MYO3A: variants seen among roughly 807,000 people sequenced by gnomAD.
MYO3A encodes myosin-IIIa.
In MYO3A, 180 loss-of-function variants were observed where a neutral mutation model predicts 192.7. The ratio of observed to expected loss-of-function variants is 0.93; its 90% CI spans 0.83 to 1.06. The LOEUF is 1.06. MYO3A is among the 50% of genes least tolerant of loss of function. MYO3A has a pLI of 0.00. For synonymous variants in MYO3A, 628 were observed against 645.3 expected (o/e 0.97, Z 0.41); for missense variants, 1,896 against 1,905.0 (o/e 1.00, Z 0.09).
At chr10:26,100,230 T>C (rs770646054) in intron 17 of MYO3A, among the ~76,000 whole-genome samples, 6 of 152,226 alleles carry the variant, frequency 3.9e-5, no homozygotes, top group Non-Finnish European at 7.3e-5. Flanking sequence ...GTAGTTTGTA[T>C]TTCTGTGGGA....
At position 26,193,256 on chromosome 10, in the gene MYO3A, G is replaced by A. The variant is rs375133744; in HGVS notation, c.4490G>A (p.Arg1497Gln). ...PKILRPPRRPRKPKTLNNPED... is the reference protein window; with the variant it reads ...PKILRPPRRPQKPKTLNNPED... ...ATATTGAGACCCCCAAGACGACCCC[G>A]GAAACCCAAAACATTAAATAACCCT... Residue 1497 changes from arginine (R) to glutamine (Q), a missense_variant, in exon 32 of 35, where the codon CGG becomes CAG. Transcript: ENST00000642920. The A allele has an allele frequency of 3.2e-5, 51 of 1,613,760 alleles. No homozygotes were observed. Among genetic ancestry groups the A allele is most frequent in the South Asian group, 1.1e-4 (10 of 91,026 alleles).
intron 3 of MYO3A, among the ~76,000 whole-genome samples, chr10:25,952,658 T>A (rs1007430220): frequency 6.6e-6 from 1 of 152,144 alleles, no homozygotes. Flanking sequence ...TATTTAGGCT[T>A]CAGGAGGTAT....
At chr10:26,163,185 A>ATGTG (rs1841565741) in intron 26 of MYO3A, among the ~76,000 whole-genome samples, 1 of 152,216 alleles carries the variant, frequency 6.6e-6, no homozygotes, top group African/African-American at 2.4e-5. Context: ...AAACAATTTA[A>ATGTG]AGCCAATGCT....
intron 29 of MYO3A, among the ~76,000 whole-genome samples, chr10:26,172,944 AAGT>A (rs1171511945): frequency 1.3e-5 from 2 of 152,168 alleles, no homozygotes; most frequent in African/African-American, 4.8e-5. Flanking sequence ...AAAGCCCTCC[AAGT>A]AGCAACGAGA....
At chr10:26,163,870 C>G (rs548226484) in intron 26 of MYO3A, among the ~76,000 whole-genome samples, 33 of 152,202 alleles carry the variant, frequency 2.2e-4, no homozygotes, top group Non-Finnish European at 3.5e-4. Context: ...AGAACACTAG[C>G]GTTTAAGCAA....
chr10:26,032,417 C>T (rs1340613983), intron 10 of MYO3A, among the ~76,000 whole-genome samples: 3 of 152,152 alleles, frequency 2.0e-5, no homozygotes, highest in Non-Finnish European at 4.4e-5. Flanking sequence ...GAATTCGAGA[C>T]CAGCCTGGCC....
intron 34 of MYO3A, among the ~76,000 whole-genome samples, chr10:26,207,339 T>C (rs1012195152): frequency 6.6e-6 from 1 of 152,178 alleles, no homozygotes; most frequent in Non-Finnish European, 1.5e-5. Flanking sequence ...TTCTTTTCTC[T>C]TTTTAGGCAG....
rs1195927705 is a variant in MYO3A, at chr10:26,170,544, A to G, written c.3398+5A>G. On this transcript the variant is annotated splice_donor_5th_base_variant and intron_variant, in intron 29 of 34. Coordinates refer to ENST00000642920, the MANE Select transcript of MYO3A (RefSeq NM_017433.5). Reference sequence around the variant, plus strand: ...GAAAAACTTTGAAAATACAAGGTATAATGATGTTCATTCTTATACCGTTGT... The same window carrying G: ...GAAAAACTTTGAAAATACAAGGTATGATGATGTTCATTCTTATACCGTTGT... 6.2e-7 allele frequency: 1 copy of G among 1,607,922 alleles called. No individual in the cohort carries two copies. Among genetic ancestry groups the G allele is most frequent in the African/African-American group, 1.3e-5 (1 of 74,816 alleles).
intron 17 of MYO3A, among the ~76,000 whole-genome samples, chr10:26,113,360 C>T (rs987068117): frequency 6.6e-6 from 1 of 151,864 alleles, no homozygotes; most frequent in Non-Finnish European, 1.5e-5. Flanking sequence ...ATCCCAGCTA[C>T]TCAGGAGGCT....
At chr10:26,140,471 G>A (rs890757833) in intron 20 of MYO3A, among the ~76,000 whole-genome samples, 1 of 152,094 alleles carries the variant, frequency 6.6e-6, no homozygotes, top group Non-Finnish European at 1.5e-5. Flanking sequence ...ATCACCTGAG[G>A]TCAGGAGTTC....
At chr10:26,094,273 C>A (rs1378840656) in intron 15 of MYO3A, among the ~76,000 whole-genome samples, 1 of 152,048 alleles carries the variant, frequency 6.6e-6, no homozygotes, top group Non-Finnish European at 1.5e-5. Context: ...TTTGGCAGAA[C>A]CTTGGATCAA....
At chr10:26,147,696 C>A in intron 23 of MYO3A, 137 bp downstream of exon 23, 1 of 1,279,824 alleles carries the variant, frequency 7.8e-7, no homozygotes, top group South Asian at 1.3e-5. Context: ...TTGTTAATAT[C>A]CTCTGCCCCA....
intron 17 of MYO3A, among the ~76,000 whole-genome samples, chr10:26,104,184 T>A (rs1837647789): frequency 6.6e-6 from 1 of 152,100 alleles, no homozygotes; most frequent in Non-Finnish European, 1.5e-5. Context: ...AGCACAGAAG[T>A]TTTTAAATTG....
rs113143491 is a variant in MYO3A, at chr10:26,011,091, C to T, written c.509-5729C>T. On this transcript the variant is annotated intron_variant, in intron 6 of 34. Coordinates refer to ENST00000642920, the MANE Select transcript of MYO3A (RefSeq NM_017433.5). ...AGTGGTGCAATCTTTCGGCTCACTG[C>T]GACCTCTGCCTCCCTGGCTCACAGG... Among the ~76,000 whole-genome samples, 10 of 152,244 alleles carry T rather than the reference C, an allele frequency of 6.6e-5. 1 individual carries two copies. The highest frequency in any genetic ancestry group is 2.4e-4 in the African/African-American group (10 of 41,542).
At chr10:25,996,680 A>G (rs1840461458) in intron 5 of MYO3A, 86 bp downstream of exon 5, 2 of 1,013,068 alleles carry the variant, frequency 2.0e-6, no homozygotes, top group Non-Finnish European at 3.1e-6. Context: ...AAATGTCACT[A>G]GTGATACTAC....
At chr10:26,017,042 G>A in intron 7 of MYO3A, 146 bp downstream of exon 7, 1 of 854,822 alleles carries the variant, frequency 1.2e-6, no homozygotes, top group South Asian at 1.4e-5. Context: ...TTTTGCATGT[G>A]TGAGGAGGCA....
chr10:26,065,605 A>AAAAAACCAT (rs1554817241), intron 10 of MYO3A, among the ~76,000 whole-genome samples: 2 of 118,726 alleles, frequency 1.7e-5, no homozygotes, highest in Non-Finnish European at 3.6e-5. Context: ...AAAAAAAAAA[A>AAAAAACCAT]AAAAAAAAGT....
At chr10:26,032,808 C>T (rs1360628200) in intron 10 of MYO3A, among the ~76,000 whole-genome samples, 4 of 152,050 alleles carry the variant, frequency 2.6e-5, no homozygotes, top group Admixed American at 1.3e-4. Flanking sequence ...TGGCACAATG[C>T]ATGACTCCAT....
At position 26,211,765 on chromosome 10, in the gene MYO3A, C is replaced by T. The variant is rs1008546243; in HGVS notation, c.4731-78C>T. The T allele has an allele frequency of 1.9e-5, 30 of 1,595,948 alleles. No individual in the cohort carries two copies. The African/African-American group carries it at 3.6e-4, about 19-fold the overall frequency. On this transcript the variant is annotated intron_variant, in intron 34 of 34. Transcript: ENST00000642920. ...TGGCAGAACGTGGGAGGAAGAGGAC[C>T]CGCCTAACTCGGGGTAGGTGGGGAC...
Sources: gnomAD v4.1 joint callset for allele counts (sites outside exome capture counted in the v4.1 genomes callset) on GRCh38, gnomAD v4.1.1 for gene constraint, MANE v1.5 for transcripts, NCBI Gene and HGNC (gene_info 2026-07-23, HGNC 2026-07-21) for gene names.